The following ARHGEF38 variants were observed in gnomAD, a reference collection of about 807,000 sequenced individuals.
The protein encoded by ARHGEF38 is Rho guanine nucleotide exchange factor (GEF) 38.
Under a neutral mutation model 79.9 loss-of-function variants are expected in ARHGEF38, and 79 were observed. That is an observed-to-expected ratio of 0.99 (90% confidence interval 0.82 to 1.19). ARHGEF38 has a LOEUF of 1.19. Ranked by LOEUF, ARHGEF38 falls within the 50% of genes most tolerant of loss-of-function variation. ARHGEF38 has a pLI of 0.00. For synonymous variants in ARHGEF38, 366 were observed against 328.3 expected, an observed-to-expected ratio of 1.11 and a Z score of -1.24; for missense variants, 962 against 907.2, an observed-to-expected ratio of 1.06 and a Z score of -0.78.
rs1731215756 is a variant in ARHGEF38, at chr4:105,679,082, T to C, written c.*1145T>C. Reference sequence around the variant, plus strand: ...AAACTCCATTTGTGGCCCCCACTTCTTGATCTATTTCTGTTCCACTTCGTC... The same window carrying C: ...AAACTCCATTTGTGGCCCCCACTTCCTGATCTATTTCTGTTCCACTTCGTC... On this transcript the variant is annotated 3_prime_UTR_variant, in exon 14 of 14. Coordinates refer to ENST00000420470, the MANE Select transcript of ARHGEF38 (RefSeq NM_001242729.2). 2.0e-6 allele frequency: 1 copy of C among 491,182 alleles called. No individual in the cohort carries two copies. The highest frequency in any genetic ancestry group is 5.5e-5 in the East Asian group (1 of 18,266). The allele number at this position is 491,182 out of a possible 1,614,324, so 30.4% of individuals were successfully genotyped here. A position where few individuals can be genotyped will look rare whatever the true frequency, so the allele number is the denominator to read the frequency against.
At chr4:105,575,865 G>T (rs1726472425) in intron 1 of ARHGEF38, among the ~76,000 whole-genome samples, 1 of 152,012 alleles carries the variant, frequency 6.6e-6, no homozygotes, top group African/African-American at 2.4e-5. Context: ...TCTTCTACAT[G>T]TGGATATCTA....
intron 1 of ARHGEF38, among the ~76,000 whole-genome samples, chr4:105,565,390 G>T (rs879737581): frequency 1.3e-5 from 2 of 152,168 alleles, no homozygotes; most frequent in Admixed American, 6.5e-5. Flanking sequence ...AACGATAAAA[G>T]ATTTTACTGT....
intron 1 of ARHGEF38, among the ~76,000 whole-genome samples, chr4:105,560,782 GT>G (rs1725480794): frequency 6.6e-6 from 1 of 152,168 alleles, no homozygotes; most frequent in South Asian, 2.1e-4. Context: ...ACTACTCTAA[GT>G]ATTGTGAGTC....
intron 13 of ARHGEF38, among the ~76,000 whole-genome samples, chr4:105,668,703 TAGATGATA>T (rs908988605): frequency 1.7e-4 from 25 of 151,260 alleles, no homozygotes; most frequent in Middle Eastern, 3.4e-3. Context: ...GATAGATAGA[TAGATGATA>T]GATAGATAGA....
chr4:105,635,829 T>G (rs994707065), intron 4 of ARHGEF38, among the ~76,000 whole-genome samples: 5 of 152,108 alleles, frequency 3.3e-5, no homozygotes, highest in Admixed American at 3.3e-4. Context: ...CTGTGCTTGA[T>G]TCCCATCTAA....
At chr4:105,558,838 A>G (rs549727403) in intron 1 of ARHGEF38, among the ~76,000 whole-genome samples, 7 of 151,760 alleles carry the variant, frequency 4.6e-5, no homozygotes, top group African/African-American at 1.7e-4. Context: ...GTTTATAAAA[A>G]TTATGGGTTT....
At position 105,589,239 on chromosome 4, in the gene ARHGEF38, A is replaced by G; in HGVS notation, c.197-9A>G. 2 of 1,602,628 alleles carry G rather than the reference A, an allele frequency of 1.2e-6. No homozygotes were observed. Among genetic ancestry groups the G allele is most frequent in the South Asian group, 1.1e-5 (1 of 88,394 alleles). On this transcript the variant is annotated splice_polypyrimidine_tract_variant and intron_variant, in intron 1 of 13. Transcript: ENST00000420470. The stretch of plus-strand genomic sequence containing the variant: ...GAATGCCTCACCTGTATATGTTTTC[A>G]TTTAACAGAAAAGATGACTCCACAG...
Position 105,587,759 on chromosome 4 carries a change from C to T in ARHGEF38, c.197-1489C>T, listed in dbSNP as rs560321971. On this transcript the variant is annotated intron_variant, in intron 1 of 13. Coordinates refer to ENST00000420470, the MANE Select transcript of ARHGEF38 (RefSeq NM_001242729.2). Reference sequence around the variant, plus strand: ...ACAGGTGTGAGCCACTGCTCCCGGCCTCATGTGGATTATTTCCTTAGCACT... The same window carrying T: ...ACAGGTGTGAGCCACTGCTCCCGGCTTCATGTGGATTATTTCCTTAGCACT... 9.9e-5 allele frequency among the ~76,000 whole-genome samples: 15 copies of T among 152,272 alleles called. No homozygotes were observed. The South Asian group carries it at 3.1e-3, about 32-fold the overall frequency.
chr4:105,571,300 T>G (rs1316597359), intron 1 of ARHGEF38, among the ~76,000 whole-genome samples: 1 of 147,998 alleles, frequency 6.8e-6, no homozygotes, highest in Non-Finnish European at 1.5e-5. Flanking sequence ...AACTCATACC[T>G]CATCCTTTTT....
intron 3 of ARHGEF38, among the ~76,000 whole-genome samples, chr4:105,624,555 G>A (rs955788026): frequency 6.6e-6 from 1 of 152,184 alleles, no homozygotes; most frequent in African/African-American, 2.4e-5. Flanking sequence ...TATCCCCTAG[G>A]CTAGGTGGAA....
chr4:105,659,103 C>T lies in ARHGEF38; in HGVS notation c.1283C>T (p.Ser428Phe), dbSNP rs1578355917. 2.0e-6 allele frequency: 3 copies of T among 1,536,180 alleles called. No individual in the cohort carries two copies. Among genetic ancestry groups the T allele is most frequent in the South Asian group, 2.4e-5 (2 of 84,052 alleles). The change falls in exon 10 of 14, where the codon TCC becomes TTC. Residue 428 changes from serine (S) to phenylalanine (F), a missense_variant. Transcript: ENST00000420470. ...CTGACCCCCTTGTCAGCCCTGCTGTCCTTATTCCCAGGGCCTCACAAGCTC... is the reference window on the plus strand; with the variant it reads ...CTGACCCCCTTGTCAGCCCTGCTGTTCTTATTCCCAGGGCCTCACAAGCTC... The part of the protein sequence containing the change: ...LILTPLSALL[S>F]LFPGPHKLIQ...
At chr4:105,631,257 A>G (rs2044536) in intron 4 of ARHGEF38, 283,089 of 1,227,742 alleles carry the variant, frequency 0.23, 40,271 homozygotes, top group African/African-American at 0.66. Flanking sequence ...AATAACATGG[A>G]AGAAGATTTA....
At chr4:105,673,728 G>A (rs1321952138) in intron 13 of ARHGEF38, among the ~76,000 whole-genome samples, 1 of 152,132 alleles carries the variant, frequency 6.6e-6, no homozygotes, top group African/African-American at 2.4e-5. Context: ...AGGAAGATGG[G>A]AGGAAGGAAA....
chr4:105,665,624 C>A (rs1332542073), intron 10 of ARHGEF38, among the ~76,000 whole-genome samples: 5 of 151,970 alleles, frequency 3.3e-5, no homozygotes, highest in African/African-American at 9.7e-5. Context: ...TTTTAAGAGA[C>A]AAGGTCTTGC....
At chr4:105,576,845 T>A (rs1174248529) in intron 1 of ARHGEF38, among the ~76,000 whole-genome samples, 2 of 152,168 alleles carry the variant, frequency 1.3e-5, no homozygotes, top group Admixed American at 1.3e-4. Flanking sequence ...TTTTATTGAG[T>A]GCTTTTTTCT....
At chr4:105,636,227 ATCT>A (rs1018459031) in intron 4 of ARHGEF38, among the ~76,000 whole-genome samples, 173 bp from the exon 5 acceptor site, 2 of 152,044 alleles carry the variant, frequency 1.3e-5, no homozygotes, top group African/African-American at 4.8e-5. Flanking sequence ...AAAAACTTTC[ATCT>A]TCTTTATTTG....
At chr4:105,643,631 A>G (rs779738973) in intron 5 of ARHGEF38, among the ~76,000 whole-genome samples, 28 of 152,156 alleles carry the variant, frequency 1.8e-4, no homozygotes, top group Admixed American at 9.8e-4. Flanking sequence ...TTGAGAGAAT[A>G]CTGTATGCCA....
chr4:105,668,952 G>A (rs1730864552), intron 13 of ARHGEF38, among the ~76,000 whole-genome samples: 1 of 152,132 alleles, frequency 6.6e-6, no homozygotes, highest in African/African-American at 2.4e-5. Flanking sequence ...AGGCTGGGGT[G>A]GGAGAATTGC....
intron 10 of ARHGEF38, among the ~76,000 whole-genome samples, chr4:105,660,500 C>G (rs1730519924): frequency 6.6e-6 from 1 of 150,776 alleles, no homozygotes; most frequent in African/African-American, 2.4e-5. Flanking sequence ...AGTGCAAAGG[C>G]CCAATCTCGG....
Sources: gnomAD v4.1 joint callset for allele counts (sites outside exome capture counted in the v4.1 genomes callset) on GRCh38, gnomAD v4.1.1 for gene constraint, MANE v1.5 for transcripts, NCBI Gene and HGNC (gene_info 2026-07-23, HGNC 2026-07-21) for gene names.